SOX5: variants seen among roughly 807,000 people sequenced by gnomAD.
SOX5 encodes the protein transcription factor SOX-5.
Under a neutral mutation model 92.0 loss-of-function variants are expected in SOX5, and 9 were observed. The observed-to-expected ratio is 0.10, with a 90% CI of 0.06 to 0.17. The LOEUF (loss-of-function observed/expected upper bound fraction) is 0.17. Ranked by LOEUF, SOX5 falls within the 10% of genes least tolerant of loss-of-function variation. The pLI is 1.00. For missense variants in SOX5, 642 were observed against 944.5 expected, an observed-to-expected ratio of 0.68 and a Z score of 4.20; for synonymous variants, 344 against 336.3, an observed-to-expected ratio of 1.02 and a Z score of -0.25.
chr12:24,525,918 G>A lies in SOX5; in HGVS notation c.-251+36411C>T, dbSNP rs754668012. Among the ~76,000 whole-genome samples the A allele has an allele frequency of 7.9e-5, 12 of 151,778 alleles. No individual in the cohort carries two copies. The East Asian group carries it at 1.2e-3, about 15-fold the overall frequency. ...AGAAGCCAGGTGAATGTTGCACAGC[G>A]TGGAGTGCAGTGGCACTACACGGCT... On this transcript the variant is annotated intron_variant, in intron 1 of 4. Coordinates refer to the SOX5 transcript ENST00000446891.
intron 4 of SOX5, among the ~76,000 whole-genome samples, chr12:24,034,948 A>G (rs889409238): frequency 6.6e-6 from 1 of 152,104 alleles, no homozygotes; most frequent in African/African-American, 2.4e-5. Context: ...AACAAGGACC[A>G]TATTAACTGT....
rs115491492 is a variant in SOX5, at chr12:23,780,234, C to T, written c.482-24510G>A. ...AATTCTCGTGTCAGCAGAAAGAGTG[C>T]TATTTTTTTCTTAATTTTATAAATT... On this transcript the variant is annotated intron_variant, in intron 3 of 14. Coordinates refer to ENST00000451604, the MANE Select transcript of SOX5 (RefSeq NM_006940.6). 3.0e-3 allele frequency among the ~76,000 whole-genome samples: 457 copies of T among 151,814 alleles called. 4 individuals carry two copies. Among genetic ancestry groups the T allele is most frequent in the African/African-American group, 0.01 (428 of 41,420 alleles).
chr12:24,141,288 T>G (rs1241920444), intron 4 of SOX5, among the ~76,000 whole-genome samples: 1 of 152,164 alleles, frequency 6.6e-6, no homozygotes, highest in Non-Finnish European at 1.5e-5. Flanking sequence ...TCCTAAGTGT[T>G]GCAAAGTGTT....
At chr12:24,405,127 GTTGT>G (rs1016299200) in intron 1 of SOX5, among the ~76,000 whole-genome samples, 1 of 152,144 alleles carries the variant, frequency 6.6e-6, no homozygotes, top group Non-Finnish European at 1.5e-5. Context: ...ATCAATTTCT[GTTGT>G]TTGTCACCCT....
At chr12:23,930,995 T>C (rs1941282128) in intron 1 of SOX5, among the ~76,000 whole-genome samples, 1 of 151,804 alleles carries the variant, frequency 6.6e-6, no homozygotes, top group Non-Finnish European at 1.5e-5. Context: ...ATTGCTTGCT[T>C]AGTATGTCTC....
At chr12:24,415,952 C>A (rs189418677) in intron 1 of SOX5, among the ~76,000 whole-genome samples, 25 of 152,300 alleles carry the variant, frequency 1.6e-4, no homozygotes, top group African/African-American at 5.3e-4. Context: ...TGCGTCAACA[C>A]ATGAAAAATT....
intron 3 of SOX5, among the ~76,000 whole-genome samples, chr12:24,255,218 G>A (rs115885417): frequency 0.027 from 4,073 of 152,180 alleles, 130 homozygotes; most frequent in African/African-American, 0.074. Context: ...ATGTATATGT[G>A]TCTTTGCTGT....
chr12:24,417,107 C>A (rs764609503), intron 1 of SOX5, among the ~76,000 whole-genome samples: 3 of 152,160 alleles, frequency 2.0e-5, no homozygotes, highest in Non-Finnish European at 4.4e-5. Context: ...TTATTGAGGA[C>A]CATTCCAATC....
At chr12:24,083,792 T>C (rs551301382) in intron 4 of SOX5, among the ~76,000 whole-genome samples, 21 of 152,164 alleles carry the variant, frequency 1.4e-4, no homozygotes, top group African/African-American at 4.8e-4. Flanking sequence ...GTCTGGATCA[T>C]AATGAGGAAT....
chr12:23,577,641 GA>G (rs35996026), intron 9 of SOX5, among the ~76,000 whole-genome samples: 2,777 of 149,614 alleles, frequency 0.019, 100 homozygotes, highest in African/African-American at 0.064. Flanking sequence ...GTCTGTTTCA[GA>G]AAAAAAAAAT....
intron 6 of SOX5, among the ~76,000 whole-genome samples, chr12:23,682,088 T>C (rs1453693695): frequency 6.6e-6 from 1 of 151,912 alleles, no homozygotes; most frequent in Admixed American, 6.6e-5. Flanking sequence ...CTTACTCTAA[T>C]GGATATATGT....
intron 3 of SOX5, among the ~76,000 whole-genome samples, chr12:23,845,745 C>A (rs1425838962): frequency 6.6e-6 from 1 of 152,090 alleles, no homozygotes; most frequent in Non-Finnish European, 1.5e-5. Flanking sequence ...CTTTTTCATG[C>A]AACTAATTTA....
chr12:24,114,615 T>G (rs1248249393), intron 4 of SOX5, among the ~76,000 whole-genome samples: 1 of 125,536 alleles, frequency 8.0e-6, no homozygotes. Flanking sequence ...ATTAACAGAC[T>G]TGAAAAAAAT....
chr12:23,703,894 C>A (rs541208377), intron 6 of SOX5, among the ~76,000 whole-genome samples: 11 of 151,936 alleles, frequency 7.2e-5, no homozygotes, highest in Admixed American at 2.6e-4. Flanking sequence ...ATGTTAAGAG[C>A]AAACTGCACA....
chr12:24,096,412 A>C (rs1351261531), intron 4 of SOX5, among the ~76,000 whole-genome samples: 6 of 152,126 alleles, frequency 3.9e-5, no homozygotes, highest in Non-Finnish European at 7.3e-5. Context: ...AAACATTTAC[A>C]CCACCCCAGA....
chr12:24,325,325 T>G (rs1013869299), intron 2 of SOX5, among the ~76,000 whole-genome samples: 1 of 152,180 alleles, frequency 6.6e-6, no homozygotes, highest in East Asian at 1.9e-4. Flanking sequence ...CAATCTTTTA[T>G]AGTTTATTTA....
At chr12:24,032,172 A>G (rs7138690) in intron 4 of SOX5, among the ~76,000 whole-genome samples, 12,520 of 151,854 alleles carry the variant, frequency 0.082, 651 homozygotes, top group Non-Finnish European at 0.12. Context: ...TGGGCAAATT[A>G]TAGTAATACC....
intron 8 of SOX5, among the ~76,000 whole-genome samples, chr12:23,630,836 T>C (rs2078438303): frequency 6.6e-6 from 1 of 152,036 alleles, no homozygotes; most frequent in Non-Finnish European, 1.5e-5. Flanking sequence ...ACCATTATGT[T>C]ATACTGCCTC....
intron 1 of SOX5, among the ~76,000 whole-genome samples, chr12:24,529,482 T>C (rs1205126474): frequency 6.6e-6 from 1 of 152,120 alleles, no homozygotes; most frequent in Non-Finnish European, 1.5e-5. Context: ...AAAGAAAATA[T>C]ACACATCATC....
Sources: allele counts gnomAD v4.1 joint callset (sites outside exome capture counted in the v4.1 genomes callset), GRCh38; gene constraint gnomAD v4.1.1; transcripts MANE v1.5; gene names NCBI Gene and HGNC (gene_info 2026-07-23, HGNC 2026-07-21).